The following SORCS2 variants were observed in gnomAD, a reference collection of about 807,000 sequenced individuals.
SORCS2 encodes the protein VPS10 domain-containing receptor SorCS2.
A neutral mutation model predicts 141.6 loss-of-function variants in SORCS2; 100 were observed. That is an observed-to-expected ratio of 0.71 (90% CI 0.60 to 0.83). SORCS2 has a LOEUF of 0.83. Ranked by LOEUF, SORCS2 falls within the 40% of genes least tolerant of loss-of-function variation. The pLI is 0.00. For missense variants in SORCS2, 1,646 were observed against 1,560.2 expected, an observed-to-expected ratio of 1.05 and a Z score of -0.93; for synonymous variants, 789 against 676.9, an observed-to-expected ratio of 1.17 and a Z score of -2.57.
chr4:7,491,961 C>T (rs938253055), intron 2 of SORCS2, among the ~76,000 whole-genome samples: 1 of 152,222 alleles, frequency 6.6e-6, no homozygotes, highest in Non-Finnish European at 1.5e-5. Flanking sequence ...TGGCCACCAC[C>T]CTTTCCATCC....
At chr4:7,204,981 A>C (rs902569548) in intron 1 of SORCS2, among the ~76,000 whole-genome samples, 2 of 152,206 alleles carry the variant, frequency 1.3e-5, no homozygotes, top group African/African-American at 4.8e-5. Context: ...TTCCCAATTG[A>C]CTACCTCATT....
At chr4:7,552,770 C>T (rs188974485) in intron 3 of SORCS2, among the ~76,000 whole-genome samples, 1 of 152,206 alleles carries the variant, frequency 6.6e-6, no homozygotes, top group African/African-American at 2.4e-5. Context: ...CACTCCAGCA[C>T]CCCTGAGCTC....
intron 1 of SORCS2, among the ~76,000 whole-genome samples, chr4:7,301,768 C>T (rs1285490923): frequency 2.6e-5 from 4 of 152,218 alleles, no homozygotes; most frequent in Admixed American, 6.5e-5. Context: ...CCATGAGCTG[C>T]GCTGGCCTCC....
intron 3 of SORCS2, among the ~76,000 whole-genome samples, chr4:7,626,809 C>A (rs2108839368): frequency 6.6e-6 from 1 of 152,192 alleles, no homozygotes; most frequent in South Asian, 2.1e-4. Context: ...TTGTCCTGTC[C>A]ACAGTCATAA....
chr4:7,588,808 C>T (rs1716712196), intron 3 of SORCS2, among the ~76,000 whole-genome samples: 1 of 152,242 alleles, frequency 6.6e-6, no homozygotes, highest in African/African-American at 2.4e-5. Flanking sequence ...TGAATGCTCA[C>T]ATCATGGTAT....
At chr4:7,320,794 T>G (rs1187589612) in intron 1 of SORCS2, among the ~76,000 whole-genome samples, 1 of 152,112 alleles carries the variant, frequency 6.6e-6, no homozygotes, top group Non-Finnish European at 1.5e-5. Context: ...CTCCTACTCC[T>G]TTGTCATTCA....
At chr4:7,232,209 C>T (rs1305482883) in intron 1 of SORCS2, among the ~76,000 whole-genome samples, 1 of 151,904 alleles carries the variant, frequency 6.6e-6, no homozygotes, top group Non-Finnish European at 1.5e-5. Flanking sequence ...CCTAGGGGAG[C>T]AGTGGGGAGG....
intron 1 of SORCS2, among the ~76,000 whole-genome samples, chr4:7,361,294 C>A (rs1031973444): frequency 2.6e-5 from 4 of 152,164 alleles, no homozygotes; most frequent in African/African-American, 9.7e-5. Context: ...TGAAAATGAG[C>A]CTGTGTCCCT....
At chr4:7,479,189 G>A (rs919287336) in intron 2 of SORCS2, among the ~76,000 whole-genome samples, 21 of 150,806 alleles carry the variant, frequency 1.4e-4, no homozygotes, top group African/African-American at 4.9e-4. Flanking sequence ...GTGGACTTCT[G>A]TGGGTGCCGT....
chr4:7,263,075 C>T (rs753178113), intron 1 of SORCS2, among the ~76,000 whole-genome samples: 1 of 152,164 alleles, frequency 6.6e-6, no homozygotes, highest in African/African-American at 2.4e-5. Context: ...GAACCAGAGA[C>T]CTGCGATTAA....
At chr4:7,387,718 A>G (rs930029061) in intron 1 of SORCS2, among the ~76,000 whole-genome samples, 12 of 149,796 alleles carry the variant, frequency 8.0e-5, no homozygotes, top group Admixed American at 1.3e-4. Context: ...ACACACATGC[A>G]CACACATACA....
chr4:7,294,476 C>T (rs899857900), intron 1 of SORCS2, among the ~76,000 whole-genome samples: 1 of 151,890 alleles, frequency 6.6e-6, no homozygotes, highest in African/African-American at 2.4e-5. Flanking sequence ...AGGCCTCTGA[C>T]AGTGTGCAGA....
chr4:7,455,391 G>A (rs1243475222), intron 2 of SORCS2, among the ~76,000 whole-genome samples: 2 of 124,602 alleles, frequency 1.6e-5, no homozygotes, highest in African/African-American at 6.3e-5. Flanking sequence ...GTTGGGGTCA[G>A]GTGCTGTGTT....
chr4:7,712,486 C>T (rs1038985450), intron 14 of SORCS2, among the ~76,000 whole-genome samples: 7 of 152,228 alleles, frequency 4.6e-5, no homozygotes, highest in African/African-American at 1.7e-4. Flanking sequence ...TCACGCAGTG[C>T]AATTGACAAG....
At chr4:7,264,456 C>T (rs1285043433) in intron 1 of SORCS2, among the ~76,000 whole-genome samples, 1 of 152,168 alleles carries the variant, frequency 6.6e-6, no homozygotes, top group African/African-American at 2.4e-5. Context: ...CCCAAAGCAC[C>T]AAGCTGCCAC....
chr4:7,234,342 A>G (rs1712113061), intron 1 of SORCS2, among the ~76,000 whole-genome samples: 3 of 152,206 alleles, frequency 2.0e-5, no homozygotes, highest in African/African-American at 7.2e-5. Context: ...AAGGGTGCTG[A>G]GTTCTCCCAG....
intron 10 of SORCS2, among the ~76,000 whole-genome samples, chr4:7,683,706 C>T (rs1344691860): frequency 6.6e-6 from 1 of 152,230 alleles, no homozygotes; most frequent in African/African-American, 2.4e-5. Flanking sequence ...TGTACCATCG[C>T]ACTGCCAGTA....
chr4:7,509,767 C>T (rs1732501877), intron 2 of SORCS2, among the ~76,000 whole-genome samples: 1 of 152,112 alleles, frequency 6.6e-6, no homozygotes, highest in Non-Finnish European at 1.5e-5. Context: ...TCAGCCTCCA[C>T]CGCCCACCGG....
At chr4:7,578,446 G>A (rs1050917998) in intron 3 of SORCS2, among the ~76,000 whole-genome samples, 11 of 152,192 alleles carry the variant, frequency 7.2e-5, no homozygotes, top group Non-Finnish European at 1.5e-4. Flanking sequence ...AGTTTTTCTG[G>A]TCACCTGCCA....
Sources: gnomAD v4.1 joint callset for allele counts (sites outside exome capture counted in the v4.1 genomes callset) on GRCh38, gnomAD v4.1.1 for gene constraint, MANE v1.5 for transcripts, NCBI Gene and HGNC (gene_info 2026-07-23, HGNC 2026-07-21) for gene names.